The following KIAA1958 variants were observed in gnomAD, a reference collection of about 807,000 sequenced individuals.
KIAA1958 encodes the protein KIAA1958.
In KIAA1958, 14 loss-of-function variants were observed where a neutral mutation model predicts 47.2. The ratio of observed to expected loss-of-function variants is 0.30; its 90% CI spans 0.20 to 0.46. KIAA1958 has a LOEUF of 0.46. KIAA1958 is among the 20% of genes least tolerant of loss of function. KIAA1958 has a pLI of 1.00. For missense variants in KIAA1958, 803 were observed against 909.2 expected (o/e 0.88, Z 1.50); for synonymous variants, 354 against 353.3 (o/e 1.00, Z -0.02).
intron 1 of KIAA1958, among the ~76,000 whole-genome samples, chr9:112,528,503 T>G (rs1834699066): frequency 6.6e-6 from 1 of 152,126 alleles, no homozygotes; most frequent in Admixed American, 6.6e-5. Flanking sequence ...CCCTCACAAT[T>G]GGAGTGTTTA....
At chr9:112,495,673 C>G (rs1834041115) in intron 1 of KIAA1958, among the ~76,000 whole-genome samples, 1 of 152,180 alleles carries the variant, frequency 6.6e-6, no homozygotes, top group African/African-American at 2.4e-5. Context: ...CTCATTAGTT[C>G]TACTGTAAGA....
Position 112,660,066 on chromosome 9 carries a change from G to T in KIAA1958, c.2148G>T (p.Gln716His), listed in dbSNP as rs1361568890. Reference sequence around the variant, plus strand: ...GGCTTGGCTCCCACAGCTGCTGCCAGTGAGCCCCCACTGGGGCCCGGCCAC... The same window carrying T: ...GGCTTGGCTCCCACAGCTGCTGCCATTGAGCCCCCACTGGGGCCCGGCCAC... ...SRRLGSHSCC[Q>H] is the part of the protein sequence containing the mutation. The change falls in exon 4 of 4, where the codon CAG (glutamine) becomes CAT (histidine). Residue 716 changes from glutamine (Q) to histidine (H), a missense_variant. By Grantham distance (24) the Gln-to-His change is conservative. This residue lies in a region of KIAA1958 where 761 missense variants were observed against 829.3 expected (regional missense o/e 0.92). Coordinates refer to ENST00000337530, the MANE Select transcript of KIAA1958 (RefSeq NM_133465.4). The T allele has an allele frequency of 1.9e-6, 3 of 1,612,168 alleles. No individual in the cohort carries two copies. The East Asian group carries it at 6.7e-5, about 36-fold the overall frequency.
chr9:112,516,757 G>T (rs1440649835), intron 1 of KIAA1958, among the ~76,000 whole-genome samples: 2 of 152,116 alleles, frequency 1.3e-5, no homozygotes, highest in Non-Finnish European at 2.9e-5. Flanking sequence ...TGTTGTTAAA[G>T]AAAAAACCTT....
In KIAA1958 at chr9:112,618,864, A is replaced by C. The variant is rs77611284; in HGVS notation, c.1172-26786A>C. On this transcript the variant is annotated intron_variant, in intron 2 of 3. Transcript: ENST00000337530. The surrounding 1 kb of genome is among the most constrained non-coding windows in gnomAD (Gnocchi z 7.1). The stretch of plus-strand genomic sequence containing the variant: ...CAGTCAGTGGCCGGCCACTCCAACA[A>C]TGGCAATTTCATCGTCTCCGCCTCC... 3 of 1,548,676 alleles carry C rather than the reference A, an allele frequency of 1.9e-6. No individual in the cohort carries two copies. Among genetic ancestry groups the C allele is most frequent in the African/African-American group, 2.7e-5 (2 of 72,936 alleles).
intron 1 of KIAA1958, among the ~76,000 whole-genome samples, chr9:112,533,080 T>A (rs977573119): frequency 1.3e-5 from 2 of 152,138 alleles, no homozygotes; most frequent in African/African-American, 4.8e-5. Flanking sequence ...AAGTATACCC[T>A]TCCAGATTTA....
At chr9:112,508,755 AT>A (rs1370867186) in intron 1 of KIAA1958, among the ~76,000 whole-genome samples, 1 of 152,192 alleles carries the variant, frequency 6.6e-6, no homozygotes, top group Non-Finnish European at 1.5e-5. Flanking sequence ...TATTTTTGAA[AT>A]CGGTTTTCTG....
intron 1 of KIAA1958, among the ~76,000 whole-genome samples, chr9:112,503,603 C>G (rs780722770): frequency 3.4e-5 from 4 of 118,462 alleles, no homozygotes; most frequent in East Asian, 2.4e-4. Flanking sequence ...GGCAACAGAG[C>G]GAGACCCTGT....
chr9:112,519,284 GT>G (rs1288373624), intron 1 of KIAA1958, among the ~76,000 whole-genome samples: 2 of 152,010 alleles, frequency 1.3e-5, no homozygotes, highest in Non-Finnish European at 2.9e-5. Flanking sequence ...TGAAACATGT[GT>G]TTTTACTAAT....
intron 1 of KIAA1958, among the ~76,000 whole-genome samples, chr9:112,517,721 A>T (rs1834462185): frequency 6.6e-6 from 1 of 152,202 alleles, no homozygotes; most frequent in South Asian, 2.1e-4. Context: ...TTTACACAGA[A>T]CTCTTAAAAC....
intron 2 of KIAA1958, among the ~76,000 whole-genome samples, chr9:112,612,838 A>G (rs760893376): frequency 6.6e-6 from 1 of 152,236 alleles, no homozygotes; most frequent in Non-Finnish European, 1.5e-5. Context: ...GTTGTTTGTA[A>G]TAGCGACAGG....
intron 2 of KIAA1958, among the ~76,000 whole-genome samples, chr9:112,645,142 A>G (rs1349794658): frequency 2.6e-5 from 4 of 152,202 alleles, no homozygotes; most frequent in African/African-American, 9.6e-5. Context: ...TCTCAAAAAA[A>G]AAAAAAAAAT....
At chr9:112,592,078 G>T (rs1361823878) in intron 2 of KIAA1958, among the ~76,000 whole-genome samples, 1 of 152,168 alleles carries the variant, frequency 6.6e-6, no homozygotes, top group Non-Finnish European at 1.5e-5. Flanking sequence ...AGGGTGAGTG[G>T]TTTGGTAGGA....
Position 112,618,297 on chromosome 9 carries a change from T to TGC in KIAA1958, c.1172-27352_1172-27351dup. 6.4e-7 allele frequency: 1 copy of TGC among 1,551,068 alleles called. No homozygotes were observed. On this transcript the variant is annotated intron_variant, in intron 2 of 3. Transcript: ENST00000337530. The surrounding 1 kb of genome is among the most constrained non-coding windows in gnomAD (Gnocchi z 7.1). ...GAGCTCATCCTGCGGAAAAGGGGAC[T>TGC]GCTAAGCCGATATAACCCCGAGGGT... is the stretch of plus-strand genomic sequence containing the variant.
chr9:112,542,947 A>G (rs746954488), intron 1 of KIAA1958, among the ~76,000 whole-genome samples: 8 of 152,230 alleles, frequency 5.3e-5, no homozygotes, highest in African/African-American at 1.2e-4. Flanking sequence ...TGTAGTTACC[A>G]TGTGCAAAAT....
At chr9:112,557,766 C>G (rs939978073) in intron 1 of KIAA1958, among the ~76,000 whole-genome samples, 1 of 152,142 alleles carries the variant, frequency 6.6e-6, no homozygotes, top group Non-Finnish European at 1.5e-5. Context: ...ACATGAAAAA[C>G]AAAAATATCA....
intron 2 of KIAA1958, among the ~76,000 whole-genome samples, chr9:112,626,839 C>G (rs1836623379): frequency 6.7e-6 from 1 of 148,680 alleles, no homozygotes; most frequent in African/African-American, 2.5e-5. Context: ...AAAAAAAACA[C>G]CTTGCCAAAA....
intron 1 of KIAA1958, among the ~76,000 whole-genome samples, chr9:112,508,918 T>C (rs1469809493): frequency 6.6e-6 from 1 of 152,152 alleles, no homozygotes; most frequent in Non-Finnish European, 1.5e-5. Context: ...TATAGTACTT[T>C]TGCAAAATGA....
At chr9:112,543,718 CATGCG>C (rs1488714605) in intron 1 of KIAA1958, among the ~76,000 whole-genome samples, 1 of 151,932 alleles carries the variant, frequency 6.6e-6, no homozygotes, top group Non-Finnish European at 1.5e-5. Context: ...GGATTACAGG[CATGCG>C]CCACCATGCC....
chr9:112,622,273 TA>T (rs911866842), intron 2 of KIAA1958, among the ~76,000 whole-genome samples: 1 of 152,206 alleles, frequency 6.6e-6, no homozygotes, highest in Non-Finnish European at 1.5e-5. Flanking sequence ...GTGGCTCAAA[TA>T]AAGCCATATT....
Sources: gnomAD v4.1 joint callset for allele counts (sites outside exome capture counted in the v4.1 genomes callset) on GRCh38, gnomAD v4.1.1 for gene constraint, gnomAD v4.1.1 regional missense constraint, Gnocchi (gnomAD v3.1) non-coding constraint, MANE v1.5 for transcripts, NCBI Gene and HGNC (gene_info 2026-07-23, HGNC 2026-07-21) for gene names.